The following CCDC192 variants were observed in gnomAD, a reference collection of about 807,000 sequenced individuals.
CCDC192 encodes the protein coiled-coil domain containing 192, also known as coiled-coil domain-containing protein 192.
chr5:127,886,171 A>C (rs959376294), intron 6 of CCDC192, among the ~76,000 whole-genome samples: 1 of 152,198 alleles, frequency 6.6e-6, no homozygotes, highest in Non-Finnish European at 1.5e-5. Context: ...TAAGACCTGG[A>C]AGTCCTGCCA....
At chr5:127,726,730 C>G (rs1400566168) in intron 2 of CCDC192, among the ~76,000 whole-genome samples, 2 of 152,202 alleles carry the variant, frequency 1.3e-5, no homozygotes, top group Non-Finnish European at 2.9e-5. Flanking sequence ...GAATTTCAGC[C>G]ATTCTGGCCA....
At chr5:127,729,590 C>T (rs1390036957) in intron 2 of CCDC192, among the ~76,000 whole-genome samples, 3 of 152,128 alleles carry the variant, frequency 2.0e-5, no homozygotes, top group Non-Finnish European at 4.4e-5. Flanking sequence ...TCACATGGCA[C>T]TTACTCTAAA....
intron 5 of CCDC192, among the ~76,000 whole-genome samples, chr5:127,859,654 C>T (rs2127101694): frequency 6.6e-6 from 1 of 152,190 alleles, no homozygotes; most frequent in East Asian, 1.9e-4. Context: ...AAAATAGCTG[C>T]TCTCCCATTC....
chr5:127,899,781 G>T (rs1475232474), intron 6 of CCDC192, among the ~76,000 whole-genome samples: 1 of 152,094 alleles, frequency 6.6e-6, no homozygotes, highest in Non-Finnish European at 1.5e-5. Flanking sequence ...CAACCTGCAT[G>T]TTTATCTTCG....
In CCDC192 at chr5:127,736,727, G is replaced by T. The variant is rs1384447626; in HGVS notation, c.115-17541G>T. 2.7e-5 allele frequency among the ~76,000 whole-genome samples: 4 copies of T among 149,988 alleles called. No homozygotes were observed. In the East Asian group the frequency reaches 5.8e-4, roughly 22 times the overall value. The stretch of plus-strand genomic sequence containing the variant: ...CTAGTTTATTTGCATAGAGGTGTTT[G>T]TAGTATTCTCTGATGGTAGTTTGTA... On this transcript the variant is annotated intron_variant, in intron 2 of 6. Coordinates refer to ENST00000514853, the MANE Select transcript of CCDC192 (RefSeq NM_001317938.2).
intron 2 of CCDC192, among the ~76,000 whole-genome samples, chr5:127,749,650 C>T (rs1235787926): frequency 2.6e-5 from 4 of 152,030 alleles, no homozygotes; most frequent in Non-Finnish European, 5.9e-5. Context: ...GGAGGATTCC[C>T]TCTTTTTCTA....
intron 5 of CCDC192, among the ~76,000 whole-genome samples, chr5:127,834,758 A>G (rs1202255976): frequency 6.6e-6 from 1 of 152,214 alleles, no homozygotes; most frequent in Non-Finnish European, 1.5e-5. Flanking sequence ...TCTCTAGCGA[A>G]TAGTAAAACA....
chr5:127,808,165 A>G lies in CCDC192; in HGVS notation c.411+10003A>G, dbSNP rs930416272. 2.0e-5 allele frequency among the ~76,000 whole-genome samples: 3 copies of G among 152,164 alleles called. No individual in the cohort carries two copies. The South Asian group carries it at 6.2e-4, about 32-fold the overall frequency. ...AATGGTTATTTTGACCATCAGAAAG[A>G]CTACAGCCAACTTTCGCCTTACCTC... On this transcript the variant is annotated intron_variant, in intron 5 of 6. Transcript: ENST00000514853.
At chr5:127,927,154 C>G (rs1753885463) in intron 6 of CCDC192, among the ~76,000 whole-genome samples, 1 of 152,040 alleles carries the variant, frequency 6.6e-6, no homozygotes, top group Non-Finnish European at 1.5e-5. Flanking sequence ...CATGGTTTTG[C>G]TTTCTTCAGT....
At chr5:127,926,307 G>A (rs909614383) in intron 6 of CCDC192, among the ~76,000 whole-genome samples, 2 of 152,158 alleles carry the variant, frequency 1.3e-5, no homozygotes, top group Non-Finnish European at 2.9e-5. Flanking sequence ...GCCACATTTA[G>A]TTCACTTTAA....
At chr5:127,752,888 C>G (rs372176721) in intron 2 of CCDC192, among the ~76,000 whole-genome samples, 1 of 152,174 alleles carries the variant, frequency 6.6e-6, no homozygotes, top group Non-Finnish European at 1.5e-5. Flanking sequence ...AGGTGCCGTT[C>G]GTCACCCCTT....
At chr5:127,803,360 G>A (rs548910931) in intron 5 of CCDC192, among the ~76,000 whole-genome samples, 1 of 152,244 alleles carries the variant, frequency 6.6e-6, no homozygotes, top group Admixed American at 6.5e-5. Flanking sequence ...GGGCACCCAG[G>A]CTGAGCCATC....
At chr5:127,741,016 A>T (rs894613753) in intron 2 of CCDC192, among the ~76,000 whole-genome samples, 2 of 152,222 alleles carry the variant, frequency 1.3e-5, no homozygotes, top group Non-Finnish European at 2.9e-5. Flanking sequence ...CACTTAACTG[A>T]AAATGTTATT....
chr5:127,736,713 G>T (rs1753021914), intron 2 of CCDC192, among the ~76,000 whole-genome samples: 1 of 151,366 alleles, frequency 6.6e-6, no homozygotes, highest in Admixed American at 6.6e-5. Context: ...TAGTTTATTT[G>T]CATAGAGGTG....
chr5:127,846,539 G>A (rs534986134), intron 5 of CCDC192, among the ~76,000 whole-genome samples: 11 of 151,686 alleles, frequency 7.3e-5, no homozygotes, highest in Admixed American at 3.9e-4. Flanking sequence ...GCAGGATTTC[G>A]GCTCACCACA....
chr5:127,804,653 C>A (rs946872726), intron 5 of CCDC192, among the ~76,000 whole-genome samples: 2 of 152,198 alleles, frequency 1.3e-5, no homozygotes, highest in South Asian at 4.1e-4. Context: ...ACCCATCATT[C>A]TTCTTTTATC....
At position 127,708,602 on chromosome 5, in the gene CCDC192, G is replaced by A. The variant is rs181948340; in HGVS notation, c.114+842G>A. Among the ~76,000 whole-genome samples, 272 of 152,186 alleles carry A rather than the reference G, an allele frequency of 1.8e-3. 3 individuals are homozygous for A. Among genetic ancestry groups the A allele is most frequent in the African/African-American group, 6.3e-3 (261 of 41,522 alleles). On this transcript the variant is annotated intron_variant, in intron 2 of 6. Coordinates refer to ENST00000514853, the MANE Select transcript of CCDC192 (RefSeq NM_001317938.2). Reference sequence around the variant, plus strand: ...GACTAAGAATCAAGACTTGGGATGAGGCCAAAATTTGCCATCTCCAACCTT... The same window carrying A: ...GACTAAGAATCAAGACTTGGGATGAAGCCAAAATTTGCCATCTCCAACCTT...
chr5:127,780,151 A>T (rs1421584070), intron 3 of CCDC192, among the ~76,000 whole-genome samples: 1 of 152,014 alleles, frequency 6.6e-6, no homozygotes, highest in African/African-American at 2.4e-5. Flanking sequence ...ACACACACAC[A>T]TATATACGTA....
At chr5:127,877,593 A>G (rs1752133332) in intron 6 of CCDC192, among the ~76,000 whole-genome samples, 1 of 152,152 alleles carries the variant, frequency 6.6e-6, no homozygotes, top group Non-Finnish European at 1.5e-5. Context: ...GGCCCCTTGC[A>G]GCCTCACCCA....
Sources: allele counts gnomAD v4.1 joint callset (sites outside exome capture counted in the v4.1 genomes callset), GRCh38; gene constraint gnomAD v4.1.1; transcripts MANE v1.5; gene names NCBI Gene and HGNC (gene_info 2026-07-23, HGNC 2026-07-21).